Variants in NF1 observed in about 807,000 individuals in gnomAD.
NF1 encodes neurofibromin.
NF1 carries 122 observed loss-of-function variants against 325.7 expected under a neutral mutation model. The observed-to-expected ratio is 0.37, with a 90% CI of 0.32 to 0.44. NF1 has a LOEUF of 0.44. NF1 is among the 20% of genes least tolerant of loss of function. The pLI is 1.00. For missense variants in NF1, 2,140 were observed against 3,415.4 expected, an observed-to-expected ratio of 0.63 and a Z score of 9.31; for synonymous variants, 1,091 against 1,186.0, an observed-to-expected ratio of 0.92 and a Z score of 1.65.
intron 29 of NF1, among the ~76,000 whole-genome samples, chr17:31,242,305 CTTTTTTTTTTTTTTTT>C (rs200376987): frequency 2.9e-5 from 2 of 68,850 alleles, no homozygotes; most frequent in East Asian, 1.1e-3. Flanking sequence ...CATAAGTTCT[CTTTTTTTTTTTTTTTT>C]TTTTTTTTTT....
At chr17:31,142,726 G>A (rs112808404) in intron 1 of NF1, among the ~76,000 whole-genome samples, 20 of 152,162 alleles carry the variant, frequency 1.3e-4, no homozygotes, top group African/African-American at 4.6e-4. Flanking sequence ...AATTAACCGG[G>A]TGTGGTGGCA....
At chr17:31,184,378 G>A (rs1160896619) in intron 8 of NF1, among the ~76,000 whole-genome samples, 5 of 152,194 alleles carry the variant, frequency 3.3e-5, no homozygotes, top group East Asian at 1.9e-4. Context: ...GGCCGGGCGC[G>A]GTGGCTCACG....
intron 1 of NF1, among the ~76,000 whole-genome samples, chr17:31,097,502 T>G (rs992792111): frequency 6.7e-6 from 1 of 149,946 alleles, no homozygotes; most frequent in Non-Finnish European, 1.5e-5. Flanking sequence ...TTTGATTATA[T>G]ACCCAGTAAA....
intron 35 of NF1, among the ~76,000 whole-genome samples, chr17:31,263,057 A>T (rs969894121): frequency 2.0e-5 from 3 of 148,384 alleles, no homozygotes; most frequent in African/African-American, 7.6e-5. Context: ...GTAGGTAGGT[A>T]GGTAGGTAGG....
At chr17:31,243,214 T>TGTGTGTG (rs1369781933) in intron 29 of NF1, among the ~76,000 whole-genome samples, 36 of 70,554 alleles carry the variant, frequency 5.1e-4, no homozygotes, top group African/African-American at 1.7e-3. Context: ...GTGTGTGTGT[T>TGTGTGTG]GAGCTGCCTG....
At chr17:31,290,478 C>CT (rs1160432063) in intron 36 of NF1, among the ~76,000 whole-genome samples, 1 of 152,100 alleles carries the variant, frequency 6.6e-6, no homozygotes, top group Non-Finnish European at 1.5e-5. Flanking sequence ...GTTCTAAACA[C>CT]TTTATCTGTA....
Position 31,095,294 on chromosome 17 carries a change from C to A in NF1, c.-16C>A. On this transcript the variant is annotated 5_prime_UTR_variant, in exon 1 of 58. Transcript: ENST00000358273. ...GCCCACCCTTCCCTCCGCCGCCCCC[C>A]GGCCGCGGGGAGGACATGGCCGCGC... is the stretch of plus-strand genomic sequence containing the variant. 6.5e-7 allele frequency: 1 copy of A among 1,536,094 alleles called. No homozygotes were observed. Among genetic ancestry groups the A allele is most frequent in the Non-Finnish European group, 8.7e-7 (1 of 1,146,064 alleles).
In NF1 at chr17:31,374,349, A is replaced by C. The variant is rs1445645953; in HGVS notation, c.*194A>C. On this transcript the variant is annotated 3_prime_UTR_variant, in exon 58 of 58. Coordinates refer to ENST00000358273, the MANE Select transcript of NF1 (RefSeq NM_001042492.3). ...TAAATTTAATGCTGCCTTTTCTTTA[A>C]CTTTTTTTCTTCTACTTTTGGCGTG... 5.2e-5 allele frequency: 36 copies of C among 697,122 alleles called. No individual in the cohort carries two copies. The highest frequency in any genetic ancestry group is 8.0e-5 in the Non-Finnish European group (33 of 413,450). 43.2% of individuals were successfully genotyped at this position (697,122 alleles called of 1,614,324 possible). A position where few individuals can be genotyped will look rare whatever the true frequency, so the allele number is the denominator to read the frequency against.
At chr17:31,211,974 T>TA (rs2066735787) in intron 12 of NF1, among the ~76,000 whole-genome samples, 2 of 152,154 alleles carry the variant, frequency 1.3e-5, no homozygotes, top group South Asian at 4.1e-4. Context: ...ATCAAATTTA[T>TA]AAAAAATATT....
intron 5 of NF1, among the ~76,000 whole-genome samples, chr17:31,176,373 G>A (rs1420436794): frequency 6.6e-6 from 1 of 152,068 alleles, no homozygotes; most frequent in African/African-American, 2.4e-5. Flanking sequence ...TGTTTTTCTT[G>A]TAAATTTAAG....
intron 1 of NF1, among the ~76,000 whole-genome samples, chr17:31,127,605 T>A (rs942740979): frequency 2.6e-5 from 4 of 151,734 alleles, no homozygotes; most frequent in East Asian, 3.9e-4. Context: ...TTTTTTTTTT[T>A]TTTATTTAAA....
rs764205704 is a variant in NF1, at chr17:31,362,182, C to T, written c.8377+1479C>T. Reference sequence around the variant, plus strand: ...ATACCCCAGGCGATTCTTACACACACTAGAATTGGAGAAGCACTGCCCTGG... The same window carrying T: ...ATACCCCAGGCGATTCTTACACACATTAGAATTGGAGAAGCACTGCCCTGG... On this transcript the variant is annotated intron_variant, in intron 57 of 57. Transcript: ENST00000358273. The T allele has an allele frequency of 3.3e-4, 121 of 362,744 alleles. 1 individual carries two copies. The highest frequency in any genetic ancestry group is 2.7e-3 in the Middle Eastern group (2 of 746). 22.5% of individuals were successfully genotyped at this position (362,744 alleles called of 1,614,324 possible).
intron 17 of NF1, 119 bp downstream of exon 17, chr17:31,225,369 AG>A: frequency 8.9e-7 from 1 of 1,127,774 alleles, no homozygotes; most frequent in Non-Finnish European, 1.3e-6. Context: ...CTTAGAATCT[AG>A]TTCTATTACT....
At chr17:31,232,571 CGAGAGAGGA>C in intron 25 of NF1, 120 bp from the exon 26 acceptor site, 1 of 895,466 alleles carries the variant, frequency 1.1e-6, no homozygotes, top group Non-Finnish European at 1.8e-6. Flanking sequence ...CTGATTATCG[CGAGAGAGGA>C]GAGAAACAGT....
chr17:31,125,775 A>G (rs1914828876), intron 1 of NF1, among the ~76,000 whole-genome samples: 1 of 151,994 alleles, frequency 6.6e-6, no homozygotes, highest in Non-Finnish European at 1.5e-5. Context: ...ACCTCAAGTG[A>G]TCTGTCCACC....
chr17:31,096,660 C>T (rs1312344585), intron 1 of NF1, among the ~76,000 whole-genome samples: 1 of 152,094 alleles, frequency 6.6e-6, no homozygotes, highest in Non-Finnish European at 1.5e-5. Context: ...AAGAGCTCTT[C>T]TGTTATTTGA....
chr17:31,225,603 G>C (rs538859694), intron 17 of NF1, among the ~76,000 whole-genome samples: 1 of 152,078 alleles, frequency 6.6e-6, no homozygotes, highest in Non-Finnish European at 1.5e-5. Context: ...TATAGAATTC[G>C]TACCGGCTAA....
At chr17:31,205,090 A>G (rs2066597047) in intron 11 of NF1, among the ~76,000 whole-genome samples, 1 of 152,142 alleles carries the variant, frequency 6.6e-6, no homozygotes, top group Non-Finnish European at 1.5e-5. Flanking sequence ...AATGTGTATC[A>G]TAAGTTGGTT....
At chr17:31,143,270 G>C (rs2952983) in intron 1 of NF1, among the ~76,000 whole-genome samples, 106,405 of 151,526 alleles carry the variant, frequency 0.7, 37,592 homozygotes, top group Middle Eastern at 0.84. Context: ...CACACACACG[G>C]ACACACACAC....
Sources: gnomAD v4.1 joint callset for allele counts (sites outside exome capture counted in the v4.1 genomes callset) on GRCh38, gnomAD v4.1.1 for gene constraint, MANE v1.5 for transcripts, NCBI Gene and HGNC (gene_info 2026-07-23, HGNC 2026-07-21) for gene names.